SV2C: variants seen among roughly 807,000 people sequenced by gnomAD.
SV2C encodes the protein solute carrier family 22 member B3.
In SV2C, 49 loss-of-function variants were observed where a neutral mutation model predicts 79.7. The ratio of observed to expected loss-of-function variants is 0.61; its 90% CI spans 0.49 to 0.78. The LOEUF (loss-of-function observed/expected upper bound fraction) is 0.78. Ranked by LOEUF, SV2C falls within the 30% of genes least tolerant of loss-of-function variation. The pLI, the probability that SV2C is intolerant of heterozygous loss-of-function variation, is 0.00. For missense variants in SV2C, 833 were observed against 912.9 expected (o/e 0.91, Z 1.13); for synonymous variants, 334 against 333.2 (o/e 1.00, Z -0.03).
intron 4 of SV2C, among the ~76,000 whole-genome samples, chr5:76,222,760 T>A (rs145866244): frequency 0.017 from 2,554 of 152,250 alleles, 47 homozygotes; most frequent in Non-Finnish European, 0.027. Flanking sequence ...AAATGAGTAA[T>A]ACCTTTCAAG....
At chr5:76,081,725 T>C (rs1199526872), upstream of SV2C, among the ~76,000 whole-genome samples, 2 of 152,182 alleles carry the variant, frequency 1.3e-5, no homozygotes, top group Non-Finnish European at 2.9e-5. Context: ...TAACTTTTAG[T>C]GCCAGAGTGT....
the SV2C span, among the ~76,000 whole-genome samples, chr5:75,849,906 C>CT: frequency 3.4e-4 from 51 of 151,668 alleles, no homozygotes; most frequent in African/African-American, 9.9e-4. Context: ...CTTTTCTTTT[C>CT]TTTTTTTTAA....
At chr5:76,150,525 G>A (rs1028875912) in intron 2 of SV2C, among the ~76,000 whole-genome samples, 1 of 151,328 alleles carries the variant, frequency 6.6e-6, no homozygotes, top group Non-Finnish European at 1.5e-5. Context: ...AGGTTAGATT[G>A]GAGATGTCTT....
At position 76,173,598 on chromosome 5, in the gene SV2C, C is replaced by G. The variant is rs1406468897; in HGVS notation, c.581-21321C>G. ...TTGAATTGGGCAACAGTTCTTCAGACCTGGCTCAGAGCTACAATGCATTTA... is the reference window on the plus strand; with the variant it reads ...TTGAATTGGGCAACAGTTCTTCAGAGCTGGCTCAGAGCTACAATGCATTTA... On this transcript the variant is annotated intron_variant, in intron 2 of 12. Coordinates refer to ENST00000502798, the MANE Select transcript of SV2C (RefSeq NM_014979.4). 3 of 1,594,140 alleles carry G rather than the reference C, an allele frequency of 1.9e-6. No homozygotes were observed. In the Admixed American group the frequency reaches 5.0e-5, roughly 27 times the overall value.
At chr5:76,219,841 G>A (rs1745016835) in intron 4 of SV2C, among the ~76,000 whole-genome samples, 1 of 152,214 alleles carries the variant, frequency 6.6e-6, no homozygotes, top group South Asian at 2.1e-4. Flanking sequence ...CAATTATTGT[G>A]GAATTGAAGT....
intron 4 of SV2C, among the ~76,000 whole-genome samples, chr5:76,229,815 G>A (rs1579965168): frequency 6.6e-6 from 1 of 152,352 alleles, no homozygotes; most frequent in Middle Eastern, 3.4e-3. Flanking sequence ...GAAGAGGTTG[G>A]GGAGAGGAAG....
intron 4 of SV2C, among the ~76,000 whole-genome samples, chr5:76,214,426 A>G (rs1443974993): frequency 1.3e-5 from 2 of 152,084 alleles, no homozygotes; most frequent in African/African-American, 2.4e-5. Flanking sequence ...TGCTATTTCA[A>G]TTACTATAGC....
At chr5:76,003,960 G>T in the SV2C span, among the ~76,000 whole-genome samples, 1 of 152,012 alleles carries the variant, frequency 6.6e-6, no homozygotes, top group Non-Finnish European at 1.5e-5. Flanking sequence ...GGGAGGATTT[G>T]GAGCAAAGGG....
the SV2C span, among the ~76,000 whole-genome samples, chr5:75,945,344 T>C: frequency 6.6e-6 from 1 of 151,468 alleles, no homozygotes; most frequent in Non-Finnish European, 1.5e-5. Flanking sequence ...TGACACAGAG[T>C]CTCACTCTGT....
intron 6 of SV2C, among the ~76,000 whole-genome samples, chr5:76,287,978 G>C (rs775978573): frequency 1.3e-4 from 19 of 151,956 alleles, no homozygotes; most frequent in African/African-American, 4.6e-4. Flanking sequence ...CCAGCTACTC[G>C]GGAAGCTGAG....
intron 1 of SV2C, among the ~76,000 whole-genome samples, chr5:76,102,123 G>C (rs1747761229): frequency 6.6e-6 from 1 of 152,100 alleles, no homozygotes; most frequent in Admixed American, 6.5e-5. Flanking sequence ...GTCTGTTCTT[G>C]TGTTTAAAAT....
chr5:75,977,581 C>G, the SV2C span, among the ~76,000 whole-genome samples: 3 of 152,278 alleles, frequency 2.0e-5, no homozygotes, highest in Admixed American at 2.0e-4. Flanking sequence ...CCACTGGAGG[C>G]TCTAGTCCAT....
chr5:76,287,058 G>A (rs1580026439), intron 6 of SV2C, among the ~76,000 whole-genome samples: 1 of 152,166 alleles, frequency 6.6e-6, no homozygotes, highest in Non-Finnish European at 1.5e-5. Flanking sequence ...TTGATATAAA[G>A]CAATGTGTTC....
the SV2C span, among the ~76,000 whole-genome samples, chr5:75,954,200 C>A: frequency 6.6e-6 from 1 of 151,844 alleles, no homozygotes; most frequent in African/African-American, 2.4e-5. Flanking sequence ...TTGAGAGATA[C>A]CTGTATGTGG....
chr5:76,081,631 C>T (rs982591670), upstream of SV2C, among the ~76,000 whole-genome samples: 3 of 152,170 alleles, frequency 2.0e-5, no homozygotes, highest in South Asian at 2.1e-4. Flanking sequence ...CATCTCATAG[C>T]ACCATGGTCA....
intron 2 of SV2C, among the ~76,000 whole-genome samples, chr5:76,177,663 TC>T (rs1303693551): frequency 1.1e-4 from 16 of 152,190 alleles, no homozygotes; most frequent in South Asian, 4.1e-4. Flanking sequence ...TGTTATTATG[TC>T]CCAAACTATC....
chr5:75,877,951 A>C, the SV2C span, among the ~76,000 whole-genome samples: 3 of 127,096 alleles, frequency 2.4e-5, no homozygotes, highest in South Asian at 2.3e-4. Flanking sequence ...AAAAAAAAAA[A>C]AAACAAGTTT....
intron 2 of SV2C, among the ~76,000 whole-genome samples, chr5:76,184,674 CTGAG>C (rs1743855500): frequency 6.6e-6 from 1 of 152,168 alleles, no homozygotes; most frequent in Admixed American, 6.5e-5. Flanking sequence ...TGAGAACTCA[CTGAG>C]TATCATGAGA....
chr5:75,964,952 A>G, the SV2C span, among the ~76,000 whole-genome samples: 2 of 152,202 alleles, frequency 1.3e-5, no homozygotes, highest in East Asian at 3.8e-4. Flanking sequence ...AAAAATGTTT[A>G]GCATCCCAAT....
Sources: gnomAD v4.1 joint callset for allele counts (sites outside exome capture counted in the v4.1 genomes callset) on GRCh38, gnomAD v4.1.1 for gene constraint, MANE v1.5 for transcripts, NCBI Gene and HGNC (gene_info 2026-07-23, HGNC 2026-07-21) for gene names.